NEK1: variants seen among roughly 807,000 people sequenced by gnomAD.
The protein encoded by NEK1 is NIMA related kinase 1.
In NEK1, 137 loss-of-function variants were observed where a neutral mutation model predicts 182.1. The ratio of observed to expected loss-of-function variants is 0.75; its 90% CI spans 0.65 to 0.87. The LOEUF (loss-of-function observed/expected upper bound fraction) is 0.87, where lower values mean the gene tolerates loss of function less well. NEK1 is among the 40% of genes least tolerant of loss of function. NEK1 has a pLI of 0.00. For missense variants in NEK1, 1,391 were observed against 1,494.4 expected (o/e 0.93, Z 1.14); for synonymous variants, 513 against 492.2 (o/e 1.04, Z -0.56).
intron 5 of NEK1, among the ~76,000 whole-genome samples, chr4:169,591,715 C>T (rs1045496693): frequency 6.6e-6 from 1 of 151,972 alleles, no homozygotes; most frequent in African/African-American, 2.4e-5. Context: ...GGTTAATTAT[C>T]TGTAATAATT....
chr4:169,555,719 C>T lies in NEK1; in HGVS notation c.1562+1G>A. 6.2e-7 allele frequency: 1 copy of T among 1,613,770 alleles called. No homozygotes were observed. The highest frequency in any genetic ancestry group is 1.1e-5 in the South Asian group (1 of 91,066). On this transcript the variant is annotated splice_donor_variant, in intron 18 of 35. Transcript: ENST00000507142. LOFTEE classifies it high-confidence loss of function. The stretch of plus-strand genomic sequence containing the variant: ...GAATTCATGGATCATCACAGTCCAA[C>T]CTGTTTGCATTGGCTTGTTTAGACA...
intron 26 of NEK1, among the ~76,000 whole-genome samples, chr4:169,466,861 TAA>T (rs59037043): frequency 6.3e-4 from 95 of 151,276 alleles, no homozygotes; most frequent in African/African-American, 2.2e-3. Flanking sequence ...ATTTATAGCA[TAA>T]AAAAAAAATA....
chr4:169,584,374 G>A (rs1373636693), intron 10 of NEK1, among the ~76,000 whole-genome samples: 2 of 152,130 alleles, frequency 1.3e-5, no homozygotes, highest in East Asian at 3.8e-4. Context: ...CACTTTGGGA[G>A]GCCAAGGTGG....
chr4:169,526,431 G>C (rs1756914280), intron 19 of NEK1, among the ~76,000 whole-genome samples: 1 of 152,158 alleles, frequency 6.6e-6, no homozygotes, highest in Admixed American at 6.5e-5. Flanking sequence ...TGAGGCTGCA[G>C]TGAGCTACAG....
chr4:169,429,033 A>T (rs1561171081), intron 29 of NEK1, among the ~76,000 whole-genome samples: 1 of 150,826 alleles, frequency 6.6e-6, no homozygotes, highest in Admixed American at 6.6e-5. Context: ...CTTAGATGCA[A>T]TTTTTTTTTC....
intron 29 of NEK1, among the ~76,000 whole-genome samples, chr4:169,431,281 G>A (rs1561174946): frequency 6.9e-6 from 1 of 144,602 alleles, no homozygotes; most frequent in Non-Finnish European, 1.6e-5. Context: ...TATTATACTT[G>A]TGAATATCTA....
At chr4:169,536,926 A>G (rs910148764) in intron 19 of NEK1, among the ~76,000 whole-genome samples, 1 of 152,314 alleles carries the variant, frequency 6.6e-6, no homozygotes, top group South Asian at 2.1e-4. Flanking sequence ...TAACAATATA[A>G]AGGGTAACTG....
rs1407426429 is a variant in NEK1, at chr4:169,463,275, G to A, written c.2555C>T (p.Thr852Ile). ...ILGEAELQLQ[T>I]ELLENTTIRS... ...AATAGTTGTATTTTCTAATAGTTCT[G>A]TCTGAAGTTGTAGTTCAGCTTCTCC... The change falls in exon 27 of 36, where the codon ACA becomes ATA. Residue 852 changes from threonine (T) to isoleucine (I), a missense_variant. Around this residue, in one of 5 missense-constraint regions of NEK1, gnomAD observed 1,216 missense variants for 1,277.6 expected, o/e 0.95. Coordinates refer to ENST00000507142, the MANE Select transcript of NEK1 (RefSeq NM_001199397.3). 6.3e-7 allele frequency: 1 copy of A among 1,591,462 alleles called. No individual in the cohort carries two copies. Among genetic ancestry groups the A allele is most frequent in the African/African-American group, 1.3e-5 (1 of 74,290 alleles).
At chr4:169,557,571 C>T (rs576089849) in intron 16 of NEK1, among the ~76,000 whole-genome samples, 1 of 151,894 alleles carries the variant, frequency 6.6e-6, no homozygotes, top group South Asian at 2.1e-4. Flanking sequence ...GAACAGAAGC[C>T]ACAATAATGA....
intron 5 of NEK1, among the ~76,000 whole-genome samples, chr4:169,591,478 A>C (rs1768502958): frequency 6.6e-6 from 1 of 151,994 alleles, no homozygotes; most frequent in Non-Finnish European, 1.5e-5. Context: ...GACCTCTATA[A>C]TGCTTTTTAA....
At chr4:169,506,117 G>A (rs1310730072) in intron 23 of NEK1, among the ~76,000 whole-genome samples, 6 of 150,314 alleles carry the variant, frequency 4.0e-5, no homozygotes, top group Non-Finnish European at 7.4e-5. Context: ...CCCTAAAAAT[G>A]TATCTGGTAA....
intron 8 of NEK1, 50 bp downstream of exon 8, chr4:169,588,599 C>CA (rs1249975386): frequency 4.4e-6 from 5 of 1,143,654 alleles, no homozygotes; most frequent in African/African-American, 3.1e-5. Context: ...AACATGACAA[C>CA]AAAAAAATTG....
In NEK1 at chr4:169,480,510, T is replaced by TAAAAA. The variant is rs58933123; in HGVS notation, c.2008-981_2008-977dup. On this transcript the variant is annotated intron_variant, in intron 23 of 35. Coordinates refer to ENST00000507142, the MANE Select transcript of NEK1 (RefSeq NM_001199397.3). Reference sequence around the variant, plus strand: ...CACACCTTAATAAACACCTCATTCCTAAAAAAAAAAAAAAAAAAAAGCTAA... The same window carrying TAAAAA: ...CACACCTTAATAAACACCTCATTCCTAAAAAAAAAAAAAAAAAAAAAAAAAGCTAA... 3.6e-4 allele frequency among the ~76,000 whole-genome samples: 36 copies of TAAAAA among 100,266 alleles called. 1 individual carries two copies. The East Asian group carries it at 3.6e-3, about 10-fold the overall frequency. The allele number at this position is 100,266 out of a possible 152,430, so 65.8% of individuals were successfully genotyped here. A position where few individuals can be genotyped will look rare whatever the true frequency, so the allele number is the denominator to read the frequency against.
At chr4:169,543,242 G>A (rs1759766070) in intron 18 of NEK1, among the ~76,000 whole-genome samples, 2 of 152,246 alleles carry the variant, frequency 1.3e-5, no homozygotes, top group South Asian at 4.1e-4. Context: ...TATTAAATAG[G>A]GAATCCTTTC....
intron 35 of NEK1, 102 bp downstream of exon 35, chr4:169,400,123 G>A (rs1731404878): frequency 1.7e-6 from 2 of 1,143,850 alleles, no homozygotes; most frequent in South Asian, 2.7e-5. Context: ...TTCCCAAGTA[G>A]ATTTCACAAA....
intron 23 of NEK1, among the ~76,000 whole-genome samples, chr4:169,495,879 A>C (rs890943436): frequency 3.3e-5 from 5 of 152,106 alleles, no homozygotes; most frequent in East Asian, 3.8e-4. Context: ...TTGACTTGGC[A>C]ATGCGGGCTC....
chr4:169,557,426 A>C (rs6818590), intron 16 of NEK1, among the ~76,000 whole-genome samples: 16,747 of 152,246 alleles, frequency 0.11, 1,011 homozygotes, highest in East Asian at 0.17. Flanking sequence ...AATTTCATTA[A>C]GAAGAAATCA....
At chr4:169,448,852 C>G (rs1344626496) in intron 27 of NEK1, among the ~76,000 whole-genome samples, 1 of 152,208 alleles carries the variant, frequency 6.6e-6, no homozygotes, top group Admixed American at 6.5e-5. Flanking sequence ...CAGGGTGGGG[C>G]ATCACCTCAC....
chr4:169,529,559 C>CA (rs1417401403), intron 19 of NEK1, among the ~76,000 whole-genome samples: 1 of 151,922 alleles, frequency 6.6e-6, no homozygotes, highest in African/African-American at 2.4e-5. Context: ...ATGATCCAAA[C>CA]AAAAAAATTG....
Sources: gnomAD v4.1 joint callset for allele counts (sites outside exome capture counted in the v4.1 genomes callset) on GRCh38, gnomAD v4.1.1 for gene constraint, gnomAD v4.1.1 regional missense constraint, MANE v1.5 for transcripts, NCBI Gene and HGNC (gene_info 2026-07-23, HGNC 2026-07-21) for gene names.